MIER3: variants seen among roughly 807,000 people sequenced by gnomAD.
MIER3 encodes the protein mesoderm induction early response protein 3.
A neutral mutation model predicts 63.2 loss-of-function variants in MIER3; 9 were observed. That is an observed-to-expected ratio of 0.14 (90% CI 0.09 to 0.25). MIER3 has a LOEUF of 0.25. Among genes scored for constraint, MIER3 ranks in the 10% least tolerant of loss-of-function variants. MIER3 has a pLI of 1.00. For missense variants in MIER3, 512 were observed against 666.2 expected (o/e 0.77, Z 2.55); for synonymous variants, 205 against 224.9 (o/e 0.91, Z 0.79).
At position 56,928,845 on chromosome 5, in the gene MIER3, CCATG is replaced by C; in HGVS notation, c.842_845del (p.Ala281GlyfsTer28). 6.2e-7 allele frequency: 1 copy of C among 1,612,952 alleles called. No homozygotes were observed. Among genetic ancestry groups the C allele is most frequent in the Non-Finnish European group, 8.5e-7 (1 of 1,179,620 alleles). On this transcript the variant is annotated frameshift_variant, in exon 10 of 13. Coordinates refer to ENST00000381199, the MANE Select transcript of MIER3 (RefSeq NM_001297599.2). LOFTEE classifies it high-confidence loss of function. ...CAAAGCTTCGGCATTCTTCTTCCGT[CCATG>C]CAGTCATTCCTTCTAAGAAAAATTT... is the stretch of plus-strand genomic sequence containing the variant.
intron 10 of MIER3, among the ~76,000 whole-genome samples, chr5:56,924,251 A>C (rs1316180196): frequency 6.6e-6 from 1 of 150,626 alleles, no homozygotes; most frequent in Admixed American, 6.6e-5. Flanking sequence ...CGAAAGCCCA[A>C]GGTTTTTTTT....
chr5:56,927,222 G>A (rs960810928), intron 10 of MIER3, among the ~76,000 whole-genome samples: 1 of 151,992 alleles, frequency 6.6e-6, no homozygotes, highest in African/African-American at 2.4e-5. Context: ...CATGAAGAGC[G>A]AACCTTAATG....
chr5:56,951,462 G>A (rs1751027009), intron 1 of MIER3, among the ~76,000 whole-genome samples: 1 of 152,108 alleles, frequency 6.6e-6, no homozygotes, highest in Admixed American at 6.5e-5. Context: ...GGGCGTCGAG[G>A]GTCTCGGTCT....
chr5:56,951,941 G>A (rs1213646125), intron 1 of MIER3, among the ~76,000 whole-genome samples, 153 bp downstream of exon 1: 3 of 148,548 alleles, frequency 2.0e-5, no homozygotes, highest in Admixed American at 1.3e-4. Flanking sequence ...GCCCCGCCAC[G>A]GCCAGTCGCC....
intron 3 of MIER3, among the ~76,000 whole-genome samples, chr5:56,941,849 G>C (rs1324730014): frequency 1.3e-5 from 2 of 152,178 alleles, no homozygotes; most frequent in African/African-American, 4.8e-5. Context: ...TGATACACAA[G>C]AGGAGAGAAG....
At chr5:56,942,113 C>T (rs1289973643) in intron 3 of MIER3, among the ~76,000 whole-genome samples, 1 of 152,142 alleles carries the variant, frequency 6.6e-6, no homozygotes, top group South Asian at 2.1e-4. Context: ...TGGCCAGGAG[C>T]CTGGAGCTCA....
At chr5:56,940,718 G>T (rs896099049) in intron 3 of MIER3, among the ~76,000 whole-genome samples, 7 of 152,212 alleles carry the variant, frequency 4.6e-5, no homozygotes, top group African/African-American at 1.7e-4. Flanking sequence ...TGGATGGTCA[G>T]AACAGGGTGA....
Position 56,930,678 on chromosome 5 carries a change from C to A in MIER3, c.815G>T (p.Gly272Val), listed in dbSNP as rs907883229. The A allele has an allele frequency of 6.2e-7, 1 of 1,613,880 alleles. No homozygotes were observed. Reference protein sequence around the residue: ...KEAIERYCCNGKASQEGMTAW... With the variant: ...KEAIERYCCNVKASQEGMTAW... ...GTGTTTCTTACCTTGAGAGGCCTTTCCATTGCAGCAGTATCTTTCGATTGC... is the reference window on the plus strand; with the variant it reads ...GTGTTTCTTACCTTGAGAGGCCTTTACATTGCAGCAGTATCTTTCGATTGC... The change falls in exon 9 of 13, where the codon GGA (glycine) becomes GTA (valine). Residue 272 changes from glycine (G) to valine (V), a missense_variant. Coordinates refer to ENST00000381199, the MANE Select transcript of MIER3 (RefSeq NM_001297599.2).
chr5:56,923,858 TA>T lies in MIER3; in HGVS notation c.1053-26del, dbSNP rs921615399. ...CCTGAAAAACACACCCCAGTAATTT[TA>T]TGACTATATATTACAGTTAAAAGTA... On this transcript the variant is annotated intron_variant, in intron 11 of 12. Coordinates refer to ENST00000381199, the MANE Select transcript of MIER3 (RefSeq NM_001297599.2). The T allele has an allele frequency of 1.9e-6, 3 of 1,613,954 alleles. No homozygotes were observed. The African/African-American group carries it at 4.0e-5, about 22-fold the overall frequency.
At chr5:56,936,661 C>T (rs1252522634) in intron 5 of MIER3, among the ~76,000 whole-genome samples, 1 of 152,058 alleles carries the variant, frequency 6.6e-6, no homozygotes, top group Non-Finnish European at 1.5e-5. Context: ...CATGTGCATG[C>T]CACTATGCCC....
intron 8 of MIER3, among the ~76,000 whole-genome samples, chr5:56,930,956 C>T (rs1319383982): frequency 6.6e-6 from 1 of 152,118 alleles, no homozygotes; most frequent in Non-Finnish European, 1.5e-5. Context: ...TGTTCATCCT[C>T]ATGCTACCTC....
chr5:56,940,497 A>G (rs1265504247), intron 3 of MIER3, among the ~76,000 whole-genome samples: 2 of 152,268 alleles, frequency 1.3e-5, no homozygotes, highest in African/African-American at 4.8e-5. Context: ...CTTTGCAGGT[A>G]TGGAACTTAC....
At chr5:56,942,951 TG>T (rs1226103415) in intron 3 of MIER3, among the ~76,000 whole-genome samples, 2 of 152,098 alleles carry the variant, frequency 1.3e-5, no homozygotes, top group Non-Finnish European at 2.9e-5. Flanking sequence ...GAGACCAGCC[TG>T]GGCATTGCAA....
At chr5:56,940,464 G>A (rs1369881787) in intron 3 of MIER3, among the ~76,000 whole-genome samples, 1 of 152,186 alleles carries the variant, frequency 6.6e-6, no homozygotes, top group East Asian at 1.9e-4. Flanking sequence ...GGCCCACAGG[G>A]GATGCAAAAG....
intron 3 of MIER3, among the ~76,000 whole-genome samples, chr5:56,942,123 A>G (rs913523169): frequency 3.9e-5 from 6 of 152,254 alleles, no homozygotes; most frequent in African/African-American, 1.4e-4. Flanking sequence ...CCTGGAGCTC[A>G]GAGAACCAGG....
At chr5:56,941,995 T>C (rs1750662334) in intron 3 of MIER3, among the ~76,000 whole-genome samples, 1 of 151,848 alleles carries the variant, frequency 6.6e-6, no homozygotes. Flanking sequence ...TAAAGAATAC[T>C]AAAGGAATAA....
chr5:56,952,031 G>A (rs1218319898), intron 1 of MIER3, 63 bp downstream of exon 1: 1 of 1,246,352 alleles, frequency 8.0e-7, no homozygotes, highest in Non-Finnish European at 1.0e-6. Flanking sequence ...TGGCTCGGGG[G>A]TCGCGGGGAG....
intron 5 of MIER3, 141 bp from the exon 6 acceptor site, chr5:56,935,892 G>A (rs760349258): frequency 4.6e-6 from 3 of 657,468 alleles, no homozygotes; most frequent in South Asian, 1.9e-5. Flanking sequence ...TCTCACAATC[G>A]ACATTGGTCA....
chr5:56,952,108 T>C lies in MIER3; in HGVS notation c.-6A>G. ...TCCCTGCTCACCTCCGCCATATTGGTACCTTTAGGGCGAACGAGCAGCGCC... is the reference window on the plus strand; with the variant it reads ...TCCCTGCTCACCTCCGCCATATTGGCACCTTTAGGGCGAACGAGCAGCGCC... On this transcript the variant is annotated 5_prime_UTR_variant, in exon 1 of 13. Coordinates refer to ENST00000381199, the MANE Select transcript of MIER3 (RefSeq NM_001297599.2). 7.7e-7 allele frequency: 1 copy of C among 1,300,886 alleles called. No individual in the cohort carries two copies. The highest frequency in any genetic ancestry group is 9.9e-7 in the Non-Finnish European group (1 of 1,006,298). The allele number at this position is 1,300,886 out of a possible 1,614,324, so 80.6% of individuals were successfully genotyped here.
Sources: gnomAD v4.1 joint callset for allele counts (sites outside exome capture counted in the v4.1 genomes callset) on GRCh38, gnomAD v4.1.1 for gene constraint, MANE v1.5 for transcripts, NCBI Gene and HGNC (gene_info 2026-07-23, HGNC 2026-07-21) for gene names.